DNAH9: variants seen among roughly 807,000 people sequenced by gnomAD.
The protein encoded by DNAH9 is dynein axonemal heavy chain 9.
Under a neutral mutation model 471.6 loss-of-function variants are expected in DNAH9, and 345 were observed. The observed-to-expected ratio is 0.73, with a 90% CI of 0.67 to 0.80. The LOEUF is 0.80. Ranked by LOEUF, DNAH9 falls within the 30% of genes least tolerant of loss-of-function variation. The pLI, the probability that DNAH9 is intolerant of heterozygous loss-of-function variation, is 0.00. For missense variants in DNAH9, 5,407 were observed against 5,609.2 expected (o/e 0.96, Z 1.15); for synonymous variants, 2,093 against 2,123.6 (o/e 0.99, Z 0.40).
rs113084157 is a variant in DNAH9 at position 11,921,243 on chromosome 17, ATT to A, written c.11750-2560_11750-2559del. On this transcript the variant is annotated intron_variant, in intron 61 of 68. Coordinates refer to ENST00000262442, the MANE Select transcript of DNAH9 (RefSeq NM_001372.4). ...GGGTGAAAAAAAAGAAAAAAAGGTG[ATT>A]TTTTTTTTTTCTTTTTTATGAAGGT... is the stretch of plus-strand genomic sequence containing the variant. Among the ~76,000 whole-genome samples, 48 of 100,926 alleles carry A rather than the reference ATT, an allele frequency of 4.8e-4. 1 individual carries two copies. The highest frequency in any genetic ancestry group is 1.6e-3 in the East Asian group (5 of 3,162). 66.2% of individuals were successfully genotyped at this position (100,926 alleles called of 152,430 possible).
At chr17:11,710,726 A>T (rs1025871896) in intron 26 of DNAH9, among the ~76,000 whole-genome samples, 1 of 152,210 alleles carries the variant, frequency 6.6e-6, no homozygotes, top group African/African-American at 2.4e-5. Context: ...AGATCAATTT[A>T]ATATTGCACT....
chr17:11,760,657 C>G (rs1422635845), intron 35 of DNAH9, among the ~76,000 whole-genome samples: 2 of 152,034 alleles, frequency 1.3e-5, no homozygotes, highest in Non-Finnish European at 2.9e-5. Flanking sequence ...GTATCTGGGA[C>G]TACAGGTGCA....
At chr17:11,954,248 G>A (rs898516961) in intron 67 of DNAH9, among the ~76,000 whole-genome samples, 1 of 151,194 alleles carries the variant, frequency 6.6e-6, no homozygotes, top group Admixed American at 6.6e-5. Flanking sequence ...GGAAGGGGGG[G>A]GCCAAAAAAA....
chr17:11,729,590 C>T (rs1464766360), intron 28 of DNAH9, among the ~76,000 whole-genome samples: 2 of 151,496 alleles, frequency 1.3e-5, no homozygotes, highest in Non-Finnish European at 2.9e-5. Flanking sequence ...CAGGTCCAGA[C>T]AAAGGAATAA....
At chr17:11,764,184 T>C (rs1967836204) in intron 36 of DNAH9, among the ~76,000 whole-genome samples, 1 of 152,204 alleles carries the variant, frequency 6.6e-6, no homozygotes, top group Non-Finnish European at 1.5e-5. Context: ...TATAGTCTCA[T>C]GTTGATTGGA....
Position 11,969,650 on chromosome 17 carries a change from G to A in DNAH9, c.*123G>A. On this transcript the variant is annotated 3_prime_UTR_variant, in exon 69 of 69. Coordinates refer to ENST00000262442, the MANE Select transcript of DNAH9 (RefSeq NM_001372.4). ...AGAAACCATGAGCACTCACAATTCT[G>A]TAGAATTCCTCTAGGGAACTTGGAG... 1.2e-6 allele frequency: 1 copy of A among 809,104 alleles called. No individual in the cohort carries two copies. Among genetic ancestry groups the A allele is most frequent in the Non-Finnish European group, 1.9e-6 (1 of 527,412 alleles). 50.1% of individuals were successfully genotyped at this position (809,104 alleles called of 1,614,324 possible). A position where few individuals can be genotyped will look rare whatever the true frequency, so the allele number is the denominator to read the frequency against.
chr17:11,857,002 G>A lies in DNAH9; in HGVS notation c.9933+2574G>A, dbSNP rs541087220. Reference sequence around the variant, plus strand: ...GAGCTAGGATTACAAGCAGACTACAGGCATGAGCCACCATGTCCAGCCCAT... The same window carrying A: ...GAGCTAGGATTACAAGCAGACTACAAGCATGAGCCACCATGTCCAGCCCAT... On this transcript the variant is annotated intron_variant, in intron 50 of 68. Transcript: ENST00000262442. Among the ~76,000 whole-genome samples the A allele has an allele frequency of 4.6e-5, 7 of 152,098 alleles. No homozygotes were observed. In the South Asian group the frequency reaches 1.5e-3, roughly 32 times the overall value.
Position 11,700,954 on chromosome 17 carries a change from C to T in DNAH9, c.5026-168C>T, listed in dbSNP as rs191025218. On this transcript the variant is annotated intron_variant, in intron 23 of 68. Coordinates refer to ENST00000262442, the MANE Select transcript of DNAH9 (RefSeq NM_001372.4). ...GTCTGGGTCTCACTTATCACCATCC[C>T]GGATTACGTAAACAGCACATCTCTC... Among the ~76,000 whole-genome samples, 60 of 152,262 alleles carry T rather than the reference C, an allele frequency of 3.9e-4. No homozygotes were observed. In the East Asian group the frequency reaches 7.9e-3, roughly 20 times the overall value.
At chr17:11,751,260 G>C (rs1325729994) in intron 32 of DNAH9, among the ~76,000 whole-genome samples, 3 of 151,842 alleles carry the variant, frequency 2.0e-5, no homozygotes, top group Admixed American at 2.0e-4. Context: ...AGATAACTCT[G>C]AAATTATCTT....
At chr17:11,678,995 TTG>T (rs1489692577) in intron 17 of DNAH9, among the ~76,000 whole-genome samples, 1 of 152,192 alleles carries the variant, frequency 6.6e-6, no homozygotes, top group African/African-American at 2.4e-5. Context: ...CTTTTCAGCT[TTG>T]TTGAAATTTA....
intron 25 of DNAH9, 140 bp downstream of exon 25, chr17:11,704,582 CTTTTTTTTTT>C (rs34814778): frequency 3.8e-6 from 2 of 527,256 alleles, no homozygotes; most frequent in African/African-American, 2.1e-5. Context: ...GCTGCTCCTA[CTTTTTTTTTT>C]TTTTTTTTGA....
At chr17:11,640,519 G>T (rs1220001813) in intron 10 of DNAH9, 135 bp downstream of exon 10, 3 of 725,314 alleles carry the variant, frequency 4.1e-6, no homozygotes, top group African/African-American at 1.8e-5. Flanking sequence ...TCCAGCAAGG[G>T]ATTAGACACC....
chr17:11,659,745 T>C (rs1238977496), intron 14 of DNAH9, among the ~76,000 whole-genome samples: 1 of 152,222 alleles, frequency 6.6e-6, no homozygotes, highest in African/African-American at 2.4e-5. Flanking sequence ...ACCTGCTTCT[T>C]TGTTTGATTA....
At chr17:11,634,493 C>T (rs751444865) in intron 8 of DNAH9, among the ~76,000 whole-genome samples, 1 of 152,140 alleles carries the variant, frequency 6.6e-6, no homozygotes, top group Non-Finnish European at 1.5e-5. Context: ...ACAGACGGTG[C>T]AGGTTGGCCA....
At position 11,689,790 on chromosome 17, in the gene DNAH9, C is replaced by T; in HGVS notation, c.3968C>T (p.Pro1323Leu). 1 of 1,614,142 alleles carries T rather than the reference C, an allele frequency of 6.2e-7. No individual in the cohort carries two copies. The highest frequency in any genetic ancestry group is 8.5e-7 in the Non-Finnish European group (1 of 1,180,022). Residue 1323 changes from proline (P) to leucine (L), a missense_variant, in exon 20 of 69, where the codon CCC (proline) becomes CTC (leucine). This residue lies in a region of DNAH9 where 4,636 missense variants were observed against 4,900.3 expected (regional missense o/e 0.95). Transcript: ENST00000262442. ...AGCATCCATGCCTGGGAGACCACAC[C>T]CTGGAGGAATATCAACGTGGAAGCC... ...TSSIHAWETT[P>L]WRNINVEAME...
At chr17:11,869,028 C>A in intron 50 of DNAH9, 106 bp from the exon 51 acceptor site, 1 of 1,365,124 alleles carries the variant, frequency 7.3e-7, no homozygotes. Context: ...AATGCCCCCG[C>A]AGAGTGCTTC....
chr17:11,925,480 T>A (rs1597834323), intron 62 of DNAH9: 1 of 269,596 alleles, frequency 3.7e-6, no homozygotes, highest in East Asian at 1.0e-4. Context: ...GGAGAAAAGA[T>A]AATAACAGCT....
chr17:11,874,964 A>T lies in DNAH9; in HGVS notation c.10258A>T (p.Thr3420Ser). ...LSQLKTPIPV[T>S]PALDPLRMLM... Reference sequence around the variant, plus strand: ...TCTTCACCAGACTCCCATTCCAGTCACCCCAGCCCTGGATCCCCTGAGGAT... The same window carrying T: ...TCTTCACCAGACTCCCATTCCAGTCTCCCCAGCCCTGGATCCCCTGAGGAT... The change falls in exon 53 of 69, where the codon ACC (threonine) becomes TCC (serine). Residue 3420 changes from threonine (T) to serine (S), a missense_variant. This residue lies in a region of DNAH9 where 4,636 missense variants were observed against 4,900.3 expected (regional missense o/e 0.95). Coordinates refer to ENST00000262442, the MANE Select transcript of DNAH9 (RefSeq NM_001372.4). 6.2e-7 allele frequency: 1 copy of T among 1,613,536 alleles called. No individual in the cohort carries two copies. Among genetic ancestry groups the T allele is most frequent in the Non-Finnish European group, 8.5e-7 (1 of 1,179,670 alleles).
chr17:11,608,474 C>A, intron 2 of DNAH9, 149 bp downstream of exon 2: 1 of 665,926 alleles, frequency 1.5e-6, no homozygotes, highest in Non-Finnish European at 2.5e-6. Context: ...TGCCGACACC[C>A]TCAGACTGTG....
Sources: allele counts gnomAD v4.1 joint callset (sites outside exome capture counted in the v4.1 genomes callset), GRCh38; gene constraint gnomAD v4.1.1; regional missense constraint gnomAD v4.1.1; transcripts MANE v1.5; gene names NCBI Gene and HGNC (gene_info 2026-07-23, HGNC 2026-07-21).